Variants in SH3GL1 observed in about 807,000 individuals in gnomAD.
SH3GL1 encodes the protein endophilin-A2.
Under a neutral mutation model 48.8 loss-of-function variants are expected in SH3GL1, and 21 were observed. That is an observed-to-expected ratio of 0.43 (90% CI 0.30 to 0.62). The LOEUF is 0.62. SH3GL1 is among the 20% of genes least tolerant of loss of function. The probability of loss-of-function intolerance (pLI) is 0.11; values close to 1 mark genes in which losing one functional copy is unlikely to be tolerated. For synonymous variants in SH3GL1, 282 were observed against 217.5 expected (o/e 1.30, Z -2.61); for missense variants, 454 against 503.0 (o/e 0.90, Z 0.93).
rs1972608372 is a variant in SH3GL1, at chr19:4,361,463, A to ACCT, written c.*134_*136dup. The ACCT allele has an allele frequency of 1.5e-6, 1 of 651,186 alleles. No homozygotes were observed. Among genetic ancestry groups the ACCT allele is most frequent in the African/African-American group, 1.8e-5 (1 of 54,904 alleles). The allele number at this position is 651,186 out of a possible 1,614,324, so 40.3% of individuals were successfully genotyped here. On this transcript the variant is annotated 3_prime_UTR_variant, in exon 10 of 10. Transcript: ENST00000269886. Reference sequence around the variant, plus strand: ...AAGTGTGGGGTCCTGCTCAGGGAGTACCTCAAGGGCCGGGGCCCAGGTGGC... The same window carrying ACCT: ...AAGTGTGGGGTCCTGCTCAGGGAGTACCTCCTCAAGGGCCGGGGCCCAGGTGGC...
intron 1 of SH3GL1, among the ~76,000 whole-genome samples, chr19:4,394,383 G>A (rs770511912): frequency 2.6e-5 from 4 of 152,140 alleles, no homozygotes; most frequent in Non-Finnish European, 4.4e-5. Context: ...TTGAGGGAGT[G>A]GGTGTCACAC....
chr19:4,397,235 C>T (rs1973441915), intron 1 of SH3GL1, among the ~76,000 whole-genome samples: 2 of 152,182 alleles, frequency 1.3e-5, no homozygotes, highest in African/African-American at 2.4e-5. Flanking sequence ...CGACTCAGGA[C>T]AGAATTGACC....
At chr19:4,380,064 C>A (rs1328065727) in intron 1 of SH3GL1, 1 of 152,232 alleles carries the variant, frequency 6.6e-6, no homozygotes, top group Non-Finnish European at 1.5e-5. Flanking sequence ...AGGGGAAGGA[C>A]ACGGCAGGGC....
At position 4,362,628 on chromosome 19, in the gene SH3GL1, T is replaced by C; in HGVS notation, c.837A>G (p.Thr279=). The change falls in exon 8 of 10, where the codon ACA becomes ACG. Residue 279 remains threonine (T), a synonymous_variant. Coordinates refer to ENST00000269886, the MANE Select transcript of SH3GL1 (RefSeq NM_003025.4). Reference sequence around the variant, plus strand: ...CCCCATTACCTGCGATCTTGGGGGCTGTGGTGCAGGGGAAGCCCCCGTTGG... The same window carrying C: ...CCCCATTACCTGCGATCTTGGGGGCCGTGGTGCAGGGGAAGCCCCCGTTGG... ...EQSNGGFPCT[T]APKIAASSSF... is the part of the protein sequence containing the mutation. 4 of 1,613,780 alleles carry C rather than the reference T, an allele frequency of 2.5e-6. No homozygotes were observed. The highest frequency in any genetic ancestry group is 3.4e-6 in the Non-Finnish European group (4 of 1,179,974).
chr19:4,369,269 A>T (rs915571085), intron 1 of SH3GL1, among the ~76,000 whole-genome samples: 1 of 152,164 alleles, frequency 6.6e-6, no homozygotes, highest in Non-Finnish European at 1.5e-5. Context: ...ATTTCCTGGG[A>T]CAGTTTCACT....
In SH3GL1 at chr19:4,389,116, G is replaced by C. The variant is rs1973288760; in HGVS notation, c.45+11208C>G. ...GGACAGCCCCTCACTCTGAGAAGGA[G>C]CCCTCTAGCTCAGCCTCTGTAGGGG... On this transcript the variant is annotated intron_variant, in intron 1 of 9. Coordinates refer to ENST00000269886, the MANE Select transcript of SH3GL1 (RefSeq NM_003025.4). This position sits in a 1 kb window ranked among gnomAD's most constrained non-coding sequence, Gnocchi z 4.5. Among the ~76,000 whole-genome samples, 1 of 152,212 alleles carries C rather than the reference G, an allele frequency of 6.6e-6. No homozygotes were observed. Among genetic ancestry groups the C allele is most frequent in the Non-Finnish European group, 1.5e-5 (1 of 68,028 alleles).
At chr19:4,375,725 T>G (rs982510503) in intron 1 of SH3GL1, among the ~76,000 whole-genome samples, 1 of 152,256 alleles carries the variant, frequency 6.6e-6, no homozygotes, top group Non-Finnish European at 1.5e-5. Context: ...GCAGGAGGGC[T>G]GTGTGACATA....
rs1457033007 is a variant in SH3GL1, at chr19:4,389,798, A to AT, written c.45+10525_45+10526insA. Among the ~76,000 whole-genome samples, 1 of 152,202 alleles carries AT rather than the reference A, an allele frequency of 6.6e-6. No homozygotes were observed. The highest frequency in any genetic ancestry group is 1.5e-5 in the Non-Finnish European group (1 of 68,018). ...AGCACAAATGCCTGGCTCCGGCGGCAATGGGCTCATATTCCAGTGGCAACG... is the reference window on the plus strand; with the variant it reads ...AGCACAAATGCCTGGCTCCGGCGGCATATGGGCTCATATTCCAGTGGCAACG... On this transcript the variant is annotated intron_variant, in intron 1 of 9. Transcript: ENST00000269886. This position sits in a 1 kb window ranked among gnomAD's most constrained non-coding sequence, Gnocchi z 4.5.
chr19:4,370,932 GC>G (rs1972887448), intron 1 of SH3GL1, among the ~76,000 whole-genome samples: 1 of 152,218 alleles, frequency 6.6e-6, no homozygotes, highest in South Asian at 2.1e-4. Context: ...TCAGATCTTT[GC>G]CCAGAGATGC....
chr19:4,396,363 T>TA (rs1973425250), intron 1 of SH3GL1, among the ~76,000 whole-genome samples: 3 of 152,140 alleles, frequency 2.0e-5, no homozygotes, highest in Non-Finnish European at 1.5e-5. Flanking sequence ...CGTGCCATTG[T>TA]ACTCCAGCCT....
chr19:4,390,464 A>G (rs190116669), intron 1 of SH3GL1: 2,149 of 152,574 alleles, frequency 0.014, 148 homozygotes, highest in Admixed American at 0.11. Flanking sequence ...GGGCAAAAGA[A>G]GGGAGAGACA....
chr19:4,382,234 G>C (rs925032617), intron 1 of SH3GL1, among the ~76,000 whole-genome samples: 1 of 151,586 alleles, frequency 6.6e-6, no homozygotes, highest in Non-Finnish European at 1.5e-5. Flanking sequence ...GACCACAGCA[G>C]GGGAAGGTGC....
At chr19:4,381,746 G>T (rs1021885992) in intron 1 of SH3GL1, among the ~76,000 whole-genome samples, 1 of 125,274 alleles carries the variant, frequency 8.0e-6, no homozygotes, top group Non-Finnish European at 1.6e-5. Context: ...TAGCTGGAGT[G>T]CAGTGGCGCG....
In SH3GL1 at chr19:4,367,083, G is replaced by A. The variant is rs1351053348; in HGVS notation, c.46-89C>T. 31 of 1,183,464 alleles carry A rather than the reference G, an allele frequency of 2.6e-5. No individual in the cohort carries two copies. The highest frequency in any genetic ancestry group is 2.1e-4 in the South Asian group (17 of 82,300). The allele number at this position is 1,183,464 out of a possible 1,614,324, so 73.3% of individuals were successfully genotyped here. On this transcript the variant is annotated intron_variant, in intron 1 of 9. Transcript: ENST00000269886. This position sits in a 1 kb window ranked among gnomAD's most constrained non-coding sequence, Gnocchi z 4.2. ...CCCTGAGCCGCCTTCCAGCCACATCGCATCCACAGCTGGAGGCAGGAGGCC... is the reference window on the plus strand; with the variant it reads ...CCCTGAGCCGCCTTCCAGCCACATCACATCCACAGCTGGAGGCAGGAGGCC...
intron 1 of SH3GL1, among the ~76,000 whole-genome samples, chr19:4,387,325 G>T (rs1973254635): frequency 6.6e-6 from 1 of 152,032 alleles, no homozygotes; most frequent in Admixed American, 6.6e-5. Flanking sequence ...TTTAGGCAGG[G>T]TCTTGCTCTG....
At chr19:4,364,488 T>G (rs1332866665) in intron 4 of SH3GL1, 2 of 468,104 alleles carry the variant, frequency 4.3e-6, no homozygotes, top group Non-Finnish European at 7.9e-6. Flanking sequence ...TGCAGTGCAG[T>G]GGCATGATCT....
Position 4,360,633 on chromosome 19 carries a change from G to A in SH3GL1, c.*967C>T, listed in dbSNP as rs1015931986. On this transcript the variant is annotated 3_prime_UTR_variant, in exon 10 of 10. Coordinates refer to ENST00000269886, the MANE Select transcript of SH3GL1 (RefSeq NM_003025.4). ...GGCGATAGAGGAAGCAGATGTCGGG[G>A]CTGCCTGCCTTGGTCTAGAGGAGAT... 1 of 233,288 alleles carries A rather than the reference G, an allele frequency of 4.3e-6. No individual in the cohort carries two copies. The highest frequency in any genetic ancestry group is 8.5e-6 in the Non-Finnish European group (1 of 118,098). 14.5% of individuals were successfully genotyped at this position (233,288 alleles called of 1,614,324 possible). A position where few individuals can be genotyped will look rare whatever the true frequency, so the allele number is the denominator to read the frequency against.
chr19:4,369,228 C>A (rs553893936), intron 1 of SH3GL1, among the ~76,000 whole-genome samples: 1 of 152,340 alleles, frequency 6.6e-6, no homozygotes, highest in East Asian at 1.9e-4. Flanking sequence ...GGAGCCCCCC[C>A]TCCCTAGGTG....
At position 4,376,919 on chromosome 19, in the gene SH3GL1, C is replaced by T. The variant is rs1483033570; in HGVS notation, c.46-9925G>A. Among the ~76,000 whole-genome samples, 1 of 152,222 alleles carries T rather than the reference C, an allele frequency of 6.6e-6. No homozygotes were observed. The highest frequency in any genetic ancestry group is 1.5e-5 in the Non-Finnish European group (1 of 68,048). On this transcript the variant is annotated intron_variant, in intron 1 of 9. Coordinates refer to ENST00000269886, the MANE Select transcript of SH3GL1 (RefSeq NM_003025.4). The surrounding 1 kb of genome is among the most constrained non-coding windows in gnomAD (Gnocchi z 4.3). ...CGGGCAACCTCTTGGGGGTCCTCGC[C>T]ACATCCCACCCCTTGACAGCAGCTA...
Sources: allele counts gnomAD v4.1 joint callset (sites outside exome capture counted in the v4.1 genomes callset), GRCh38; gene constraint gnomAD v4.1.1; non-coding constraint Gnocchi (gnomAD v3.1); transcripts MANE v1.5; gene names NCBI Gene and HGNC (gene_info 2026-07-23, HGNC 2026-07-21).